The following SYNDIG1 variants were observed in gnomAD, a reference collection of about 807,000 sequenced individuals.
SYNDIG1 encodes synapse differentiation inducing 1.
SYNDIG1 carries 9 observed loss-of-function variants against 19.4 expected under a neutral mutation model. That is an observed-to-expected ratio of 0.46 (90% CI 0.28 to 0.81). The LOEUF (loss-of-function observed/expected upper bound fraction) is 0.81. SYNDIG1 is among the 30% of genes least tolerant of loss of function. The pLI, the probability that SYNDIG1 is intolerant of heterozygous loss-of-function variation, is 0.12. For missense variants in SYNDIG1, 311 were observed against 343.3 expected (o/e 0.91, Z 0.74); for synonymous variants, 141 against 145.9 (o/e 0.97, Z 0.24).
intron 2 of SYNDIG1, among the ~76,000 whole-genome samples, chr20:24,572,124 C>A (rs1302066480): frequency 6.6e-6 from 1 of 152,214 alleles, no homozygotes; most frequent in Non-Finnish European, 1.5e-5. Context: ...GAGCTCCCAT[C>A]TCCTCAGCTG....
chr20:24,637,728 A>C (rs1400097603), intron 3 of SYNDIG1, among the ~76,000 whole-genome samples: 1 of 152,268 alleles, frequency 6.6e-6, no homozygotes, highest in Non-Finnish European at 1.5e-5. Context: ...AAGGTCCAGC[A>C]GTAAAAGGTG....
intron 3 of SYNDIG1, among the ~76,000 whole-genome samples, chr20:24,627,554 G>A (rs1490280399): frequency 1.3e-5 from 2 of 152,210 alleles, no homozygotes; most frequent in Non-Finnish European, 2.9e-5. Context: ...TGAACAAAAG[G>A]ATATTTTTCC....
intron 1 of SYNDIG1, among the ~76,000 whole-genome samples, chr20:24,541,732 C>T (rs1427482743): frequency 2.0e-5 from 3 of 152,188 alleles, no homozygotes; most frequent in Non-Finnish European, 4.4e-5. Context: ...GCTTTCATCT[C>T]TGTAGCTACT....
At chr20:24,484,579 T>C (rs1385581243) in intron 1 of SYNDIG1, among the ~76,000 whole-genome samples, 2 of 152,116 alleles carry the variant, frequency 1.3e-5, no homozygotes, top group African/African-American at 4.8e-5. Context: ...CACGTTTCAC[T>C]GAGAGGAGTA....
chr20:24,539,480 C>G (rs972220478), intron 1 of SYNDIG1, among the ~76,000 whole-genome samples: 8 of 152,166 alleles, frequency 5.3e-5, no homozygotes, highest in Non-Finnish European at 1.0e-4. Context: ...CCATATCACA[C>G]TGTTTTGATT....
intron 3 of SYNDIG1, among the ~76,000 whole-genome samples, chr20:24,614,386 A>G (rs1331393419): frequency 1.3e-5 from 2 of 152,160 alleles, no homozygotes; most frequent in Non-Finnish European, 2.9e-5. Flanking sequence ...CAATAAATAT[A>G]CTTTTTTGTT....
At chr20:24,638,605 C>T (rs770586247) in intron 3 of SYNDIG1, among the ~76,000 whole-genome samples, 24 of 152,146 alleles carry the variant, frequency 1.6e-4, no homozygotes, top group Admixed American at 1.0e-3. Flanking sequence ...TCAAGAAATA[C>T]CCCCACTTTG....
intron 3 of SYNDIG1, among the ~76,000 whole-genome samples, chr20:24,630,890 G>C (rs1172132016): frequency 2.6e-5 from 4 of 152,230 alleles, no homozygotes; most frequent in Admixed American, 6.5e-5. Flanking sequence ...AAAAGTGAAG[G>C]CAAATGCCTT....
At chr20:24,521,418 T>C (rs2146542697) in intron 1 of SYNDIG1, among the ~76,000 whole-genome samples, 2 of 152,182 alleles carry the variant, frequency 1.3e-5, no homozygotes, top group Middle Eastern at 6.8e-3. Context: ...AGCAGTGAAA[T>C]GGCTGCTGTA....
intron 1 of SYNDIG1, among the ~76,000 whole-genome samples, chr20:24,484,475 C>A (rs1338038920): frequency 3.3e-5 from 5 of 152,158 alleles, no homozygotes; most frequent in Non-Finnish European, 5.9e-5. Flanking sequence ...TCTGACCTAG[C>A]CTCAGAGGTC....
chr20:24,631,178 G>C (rs968681789), intron 3 of SYNDIG1, among the ~76,000 whole-genome samples: 6 of 152,216 alleles, frequency 3.9e-5, no homozygotes, highest in Non-Finnish European at 7.3e-5. Context: ...GGCCTAGAAG[G>C]CTTCAAATTG....
At chr20:24,606,384 C>G (rs2058757495) in intron 3 of SYNDIG1, among the ~76,000 whole-genome samples, 1 of 152,230 alleles carries the variant, frequency 6.6e-6, no homozygotes, top group Non-Finnish European at 1.5e-5. Context: ...CTCTGGGAAA[C>G]TATTTCACTG....
chr20:24,643,405 G>T (rs544552033), intron 3 of SYNDIG1, among the ~76,000 whole-genome samples: 5 of 151,582 alleles, frequency 3.3e-5, no homozygotes, highest in Admixed American at 3.3e-4. Flanking sequence ...CAGCTAGAGT[G>T]CCGTGTTCAT....
chr20:24,603,404 G>A (rs2058707851), intron 3 of SYNDIG1, among the ~76,000 whole-genome samples: 1 of 152,116 alleles, frequency 6.6e-6, no homozygotes, highest in Non-Finnish European at 1.5e-5. Context: ...GGGAGGTGAG[G>A]GCTGGAGGTG....
chr20:24,519,322 T>C (rs1035177280), intron 1 of SYNDIG1, among the ~76,000 whole-genome samples: 5 of 152,222 alleles, frequency 3.3e-5, no homozygotes, highest in Admixed American at 3.3e-4. Context: ...CACTTAGTTA[T>C]AGGAAAAATG....
intron 3 of SYNDIG1, among the ~76,000 whole-genome samples, chr20:24,645,909 CA>C (rs1369606774): frequency 6.6e-6 from 1 of 152,194 alleles, no homozygotes; most frequent in Non-Finnish European, 1.5e-5. Context: ...CCAGCTACAA[CA>C]ATGGTTTGCA....
At position 24,542,977 on chromosome 20, in the gene SYNDIG1, A is replaced by G. The variant is rs559158223; in HGVS notation, c.-78-43A>G. ...GGGTCTGGGTGATTAGCTTGTTTTC[A>G]AGTGTGATTCTCTTGTCTCATCTCT... On this transcript the variant is annotated intron_variant, in intron 1 of 3. Coordinates refer to ENST00000376862, the MANE Select transcript of SYNDIG1 (RefSeq NM_024893.3). 6.9e-6 allele frequency: 10 copies of G among 1,455,030 alleles called. No homozygotes were observed. In the African/African-American group the frequency reaches 1.4e-4, roughly 21 times the overall value. The allele number at this position is 1,455,030 out of a possible 1,614,324, so 90.1% of individuals were successfully genotyped here.
At chr20:24,533,345 C>T (rs1404407052) in intron 1 of SYNDIG1, among the ~76,000 whole-genome samples, 2 of 152,286 alleles carry the variant, frequency 1.3e-5, no homozygotes, top group Admixed American at 6.5e-5. Flanking sequence ...TATTTACCCC[C>T]TTCTCCAGTT....
intron 1 of SYNDIG1, among the ~76,000 whole-genome samples, chr20:24,540,799 A>G (rs931512117): frequency 2.0e-5 from 3 of 152,130 alleles, no homozygotes; most frequent in African/African-American, 4.8e-5. Flanking sequence ...AATTCAGTTT[A>G]GTAGTATTTT....
Sources: allele counts gnomAD v4.1 joint callset (sites outside exome capture counted in the v4.1 genomes callset), GRCh38; gene constraint gnomAD v4.1.1; transcripts MANE v1.5; gene names NCBI Gene and HGNC (gene_info 2026-07-23, HGNC 2026-07-21).